HOOK2: variants seen among roughly 807,000 people sequenced by gnomAD.
HOOK2 encodes protein Hook homolog 2.
A neutral mutation model predicts 111.9 loss-of-function variants in HOOK2; 108 were observed. That is an observed-to-expected ratio of 0.96 (90% CI 0.83 to 1.13). HOOK2 has a LOEUF of 1.13. Among genes scored for constraint, HOOK2 ranks in the 50% most tolerant of loss-of-function variants. The pLI is 0.00. For synonymous variants in HOOK2, 405 were observed against 394.3 expected, an observed-to-expected ratio of 1.03 and a Z score of -0.32; for missense variants, 978 against 951.3, an observed-to-expected ratio of 1.03 and a Z score of -0.37.
At chr19:12,767,335 G>C in intron 14 of HOOK2, 60 bp downstream of exon 14, 1 of 1,415,874 alleles carries the variant, frequency 7.1e-7, no homozygotes, top group East Asian at 2.3e-5. Context: ...CGGGAGCGGG[G>C]CTGAGGGCGG....
rs374916028 is a variant in HOOK2 at position 12,773,034 on chromosome 19, A to G, written c.215T>C (p.Leu72Pro). 1.9e-6 allele frequency: 3 copies of G among 1,613,966 alleles called. No individual in the cohort carries two copies. The African/African-American group carries it at 4.0e-5, about 22-fold the overall frequency. The change falls in exon 4 of 23, where the codon CTG (leucine) becomes CCG (proline). Residue 72 changes from leucine (L) to proline (P), a missense_variant. Coordinates refer to ENST00000397668, the MANE Select transcript of HOOK2 (RefSeq NM_013312.3). Reference sequence around the variant, plus strand: ...TACTAGGCTCCGTAAGACCATCTTCAGATTGCTGACCTAGGGAGGAACAAG... The same window carrying G: ...TACTAGGCTCCGTAAGACCATCTTCGGATTGCTGACCTAGGGAGGAACAAG... ...GPNWKLKVSN[L>P]KMVLRSLVEY...
At chr19:12,768,364 G>A (rs1399895640) in intron 11 of HOOK2, among the ~76,000 whole-genome samples, 1 of 152,128 alleles carries the variant, frequency 6.6e-6, no homozygotes, top group Non-Finnish European at 1.5e-5. Flanking sequence ...CAAAGCACTG[G>A]GATTACAGGT....
At chr19:12,779,325 A>G (rs764110829), upstream of HOOK2, among the ~76,000 whole-genome samples, 99 of 152,088 alleles carry the variant, frequency 6.5e-4, no homozygotes, top group Non-Finnish European at 1.2e-3. Context: ...GGGGACCCTC[A>G]GTCCCACAAC....
chr19:12,774,755 G>C lies in HOOK2; in HGVS notation c.132-14C>G, dbSNP rs376124640. 1.2e-6 allele frequency: 2 copies of C among 1,613,698 alleles called. No individual in the cohort carries two copies. Among genetic ancestry groups the C allele is most frequent in the South Asian group, 2.2e-5 (2 of 91,074 alleles). On this transcript the variant is annotated splice_polypyrimidine_tract_variant and intron_variant, in intron 2 of 22. Coordinates refer to ENST00000397668, the MANE Select transcript of HOOK2 (RefSeq NM_013312.3). ...CAGGAGGGGTCTCTGGGGGCGAGAA[G>C]GTGGGATGAGCAGACTGGGGGACAC... is the stretch of plus-strand genomic sequence containing the variant.
At chr19:12,777,223 C>T (rs1968543345), upstream of HOOK2, among the ~76,000 whole-genome samples, 1 of 151,920 alleles carries the variant, frequency 6.6e-6, no homozygotes, top group Non-Finnish European at 1.5e-5. Context: ...TCTGTAATCC[C>T]AGCACTTTGG....
intron 11 of HOOK2, among the ~76,000 whole-genome samples, chr19:12,768,693 C>T (rs569382970): frequency 1.3e-5 from 2 of 152,196 alleles, no homozygotes; most frequent in East Asian, 1.9e-4. Context: ...AGGGTGTTCT[C>T]GAACTGCTGG....
chr19:12,763,321 G>C lies in HOOK2; in HGVS notation c.2121C>G (p.Arg707=). ...ATNSRRGPLG[R]LASLNLRPTD... is the part of the protein sequence containing the mutation. ...TGGGGCGAAGGTTCAGAGATGCCAG[G>C]CGTCCCAAGGGTCCACGGCGAGAAT... is the stretch of plus-strand genomic sequence containing the variant. The change falls in exon 23 of 23, where the codon CGC becomes CGG. Residue 707 remains arginine (R), a synonymous_variant. Coordinates refer to ENST00000397668, the MANE Select transcript of HOOK2 (RefSeq NM_013312.3). 6.2e-7 allele frequency: 1 copy of C among 1,614,070 alleles called. No homozygotes were observed. The highest frequency in any genetic ancestry group is 8.5e-7 in the Non-Finnish European group (1 of 1,180,044).
At chr19:12,766,978 T>G (rs1380883625) in intron 14 of HOOK2, among the ~76,000 whole-genome samples, 1 of 152,152 alleles carries the variant, frequency 6.6e-6, no homozygotes, top group Non-Finnish European at 1.5e-5. Context: ...ATCCTCCAGC[T>G]TCGGCCTTCC....
In HOOK2 at chr19:12,763,034, T is replaced by C. The variant is rs1052346394; in HGVS notation, c.*248A>G. The C allele has an allele frequency of 2.0e-6, 1 of 493,976 alleles. No homozygotes were observed. The highest frequency in any genetic ancestry group is 3.6e-6 in the Non-Finnish European group (1 of 280,536). The allele number at this position is 493,976 out of a possible 1,614,324, so 30.6% of individuals were successfully genotyped here. On this transcript the variant is annotated 3_prime_UTR_variant, in exon 23 of 23. Coordinates refer to ENST00000397668, the MANE Select transcript of HOOK2 (RefSeq NM_013312.3). ...TGAACGCCTTTATTTTTCTCAAATA[T>C]AAAATCAGAGTCTCCTGAGGCAGCA...
At chr19:12,773,240 T>C (rs907310377) in intron 3 of HOOK2, 196 bp from the exon 4 acceptor site, 91 of 511,936 alleles carry the variant, frequency 1.8e-4, no homozygotes, top group Middle Eastern at 5.1e-4. Flanking sequence ...TCTTTTTTTT[T>C]TTTTTTTTTT....
Position 12,786,650 on chromosome 19 carries a change from G to A in HOOK2, n.42-12425C>T, listed in dbSNP as rs923152503. ...GGGGCCGGCCTGGCGCCAGTGGGGC[G>A]GCTTGAGGGGGTGGTGCCCAGGCCA... On this transcript the variant is annotated intron_variant and non_coding_transcript_variant, in intron 3 of 3. Transcript: ENST00000589765. This position sits in a 1 kb window ranked among gnomAD's most constrained non-coding sequence, Gnocchi z 4.3. 2.0e-5 allele frequency among the ~76,000 whole-genome samples: 3 copies of A among 152,200 alleles called. No individual in the cohort carries two copies. The highest frequency in any genetic ancestry group is 2.9e-5 in the Non-Finnish European group (2 of 68,030).
At position 12,764,794 on chromosome 19, in the gene HOOK2, G is replaced by C; in HGVS notation, c.1827+20C>G. On this transcript the variant is annotated intron_variant, in intron 20 of 22. Transcript: ENST00000397668. ...AAGAAGCCAGGGCAGGCAACTTGTG[G>C]GAACACCCAGCGTCCTCACCATGCG... 1 of 1,601,978 alleles carries C rather than the reference G, an allele frequency of 6.2e-7. No individual in the cohort carries two copies. The highest frequency in any genetic ancestry group is 8.5e-7 in the Non-Finnish European group (1 of 1,171,512).
At chr19:12,778,457 G>C (rs1024492194), upstream of HOOK2, 1 of 152,276 alleles carries the variant, frequency 6.6e-6, no homozygotes, top group Non-Finnish European at 1.5e-5. Flanking sequence ...GACAAGGGCC[G>C]GCAGCGCTGG....
Position 12,766,010 on chromosome 19 carries a change from T to G in HOOK2, c.1516A>C (p.Asn506His). The G allele has an allele frequency of 6.2e-7, 1 of 1,613,514 alleles. No individual in the cohort carries two copies. The highest frequency in any genetic ancestry group is 8.5e-7 in the Non-Finnish European group (1 of 1,179,966). The change falls in exon 16 of 23, where the codon AAC becomes CAC. Residue 506 changes from asparagine to histidine, a missense_variant. Transcript: ENST00000397668. Reference sequence around the variant, plus strand: ...CGCAGCTCGGATAGCTGCTGCTGGTTCAGCCTGCGAGGGTGGGGGGCCGCT... The same window carrying G: ...CGCAGCTCGGATAGCTGCTGCTGGTGCAGCCTGCGAGGGTGGGGGGCCGCT... ...RHGLETQHRL[N>H]QQQLSELRAQ...
rs1382737125 is a variant in HOOK2, at chr19:12,764,817, G to A, written c.1824C>T (p.Arg608=). The change falls in exon 20 of 23, where the codon CGC becomes CGT. Residue 608 remains arginine (R), a synonymous_variant. Transcript: ENST00000397668. ...ERYRRYVDKA[R]MVMQTMEPKQ... ...TGGGAACACCCAGCGTCCTCACCAT[G>A]CGGGCCTTGTCCACGTAGCGGCGGT... The A allele has an allele frequency of 1.2e-6, 2 of 1,613,254 alleles. No homozygotes were observed. Among genetic ancestry groups the A allele is most frequent in the South Asian group, 1.1e-5 (1 of 91,058 alleles).
chr19:12,789,745 G>C (rs975413586), intron 3 of HOOK2, among the ~76,000 whole-genome samples: 2 of 151,418 alleles, frequency 1.3e-5, no homozygotes, highest in African/African-American at 2.4e-5. Flanking sequence ...GGGCCAGGCC[G>C]GGCCTGGCAG....
chr19:12,785,286 GACC>G (rs1221271051), intron 3 of HOOK2, among the ~76,000 whole-genome samples: 4 of 149,148 alleles, frequency 2.7e-5, no homozygotes, highest in African/African-American at 9.9e-5. Flanking sequence ...ACCAGCCACA[GACC>G]TCTTTTTCAC....
chr19:12,771,989 T>C (rs1445421451), intron 7 of HOOK2: 3 of 597,972 alleles, frequency 5.0e-6, no homozygotes, highest in Non-Finnish European at 9.1e-6. Flanking sequence ...AGGAAGTGGC[T>C]AGCACCCTGG....
intron 1 of HOOK2, 49 bp downstream of exon 1, chr19:12,775,356 G>T: frequency 6.3e-7 from 1 of 1,595,804 alleles, no homozygotes. Flanking sequence ...GGGATCCCGG[G>T]CAAGAGGAGC....
Sources: allele counts gnomAD v4.1 joint callset (sites outside exome capture counted in the v4.1 genomes callset), GRCh38; gene constraint gnomAD v4.1.1; non-coding constraint Gnocchi (gnomAD v3.1); transcripts MANE v1.5; gene names NCBI Gene and HGNC (gene_info 2026-07-23, HGNC 2026-07-21).